The following RBFOX1 variants were observed in gnomAD, a reference collection of about 807,000 sequenced individuals.
RBFOX1 encodes RNA binding protein fox-1 homolog 1.
In RBFOX1, 8 loss-of-function variants were observed where a neutral mutation model predicts 57.7. That is an observed-to-expected ratio of 0.14 (90% CI 0.08 to 0.25). The LOEUF is 0.25. RBFOX1 is among the 10% of genes least tolerant of loss of function. RBFOX1 has a pLI of 1.00. For missense variants in RBFOX1, 611 were observed against 548.5 expected, an observed-to-expected ratio of 1.11 and a Z score of -1.14; for synonymous variants, 326 against 222.4, an observed-to-expected ratio of 1.47 and a Z score of -4.15.
At chr16:6,905,688 C>T (rs574366603) in intron 3 of RBFOX1, among the ~76,000 whole-genome samples, 1 of 152,192 alleles carries the variant, frequency 6.6e-6, no homozygotes, top group East Asian at 1.9e-4. Context: ...GAAAAAAAGA[C>T]AGTGGGTTAA....
At chr16:6,667,549 G>A (rs1020161032) in intron 3 of RBFOX1, among the ~76,000 whole-genome samples, 2 of 152,048 alleles carry the variant, frequency 1.3e-5, no homozygotes, top group Non-Finnish European at 2.9e-5. Flanking sequence ...TACACTGAGG[G>A]TACTTATCAT....
intron 3 of RBFOX1, among the ~76,000 whole-genome samples, chr16:5,791,475 G>T (rs2151731844): frequency 6.6e-6 from 1 of 152,278 alleles, no homozygotes; most frequent in East Asian, 1.9e-4. Context: ...TTGGCCAGGA[G>T]GGCTGGGTAA....
chr16:6,822,903 A>G (rs947925666), intron 3 of RBFOX1, among the ~76,000 whole-genome samples: 3 of 152,216 alleles, frequency 2.0e-5, no homozygotes. Flanking sequence ...ATTAATATTA[A>G]CAAGTGCGTG....
At chr16:5,892,718 C>T (rs1377873611) in intron 4 of RBFOX1, among the ~76,000 whole-genome samples, 2 of 152,192 alleles carry the variant, frequency 1.3e-5, no homozygotes, top group Non-Finnish European at 2.9e-5. Flanking sequence ...ATGCAGCACT[C>T]TCAAAGCCTG....
intron 1 of RBFOX1, among the ~76,000 whole-genome samples, chr16:6,186,359 A>G (rs117364015): frequency 2.6e-5 from 4 of 152,316 alleles, no homozygotes; most frequent in Non-Finnish European, 5.9e-5. Context: ...ATGAATTAGT[A>G]AAGATAAATA....
At chr16:6,959,726 C>G (rs1000215061) in intron 3 of RBFOX1, among the ~76,000 whole-genome samples, 2 of 152,090 alleles carry the variant, frequency 1.3e-5, no homozygotes, top group African/African-American at 4.8e-5. Context: ...CACCTGAGGT[C>G]AGGAGTTCGA....
At chr16:6,693,927 C>A (rs548979709) in intron 3 of RBFOX1, among the ~76,000 whole-genome samples, 36 of 152,240 alleles carry the variant, frequency 2.4e-4, no homozygotes, top group African/African-American at 6.7e-4. Flanking sequence ...GACTGTTTAC[C>A]CATATGAAGT....
intron 3 of RBFOX1, among the ~76,000 whole-genome samples, chr16:6,758,255 C>G (rs1208559195): frequency 6.6e-6 from 1 of 152,018 alleles, no homozygotes; most frequent in African/African-American, 2.4e-5. Context: ...CAGTCCTCTG[C>G]TTGCTTTGTT....
intron 3 of RBFOX1, among the ~76,000 whole-genome samples, chr16:7,039,723 G>C (rs4570861): frequency 6.6e-6 from 1 of 152,064 alleles, no homozygotes; most frequent in Admixed American, 6.6e-5. Flanking sequence ...GCAAGAAGCA[G>C]TGGGTATGAT....
At chr16:7,613,079 T>A (rs2057827354) in intron 10 of RBFOX1, among the ~76,000 whole-genome samples, 1 of 152,078 alleles carries the variant, frequency 6.6e-6, no homozygotes, top group Admixed American at 6.5e-5. Context: ...TATAGTTAGG[T>A]CCCAGAGATG....
chr16:6,773,822 G>T (rs1016758380), intron 3 of RBFOX1: 27 of 305,112 alleles, frequency 8.8e-5, no homozygotes, highest in South Asian at 1.3e-4. Flanking sequence ...CATTTGTGTT[G>T]TGGGGGCATG....
chr16:6,438,731 G>T (rs986976076), intron 2 of RBFOX1, among the ~76,000 whole-genome samples: 2 of 152,188 alleles, frequency 1.3e-5, no homozygotes, highest in African/African-American at 4.8e-5. Flanking sequence ...TCCTGAGCCT[G>T]TATAAGAGCC....
intron 3 of RBFOX1, among the ~76,000 whole-genome samples, chr16:6,998,631 C>T (rs1406773037): frequency 1.3e-5 from 2 of 152,032 alleles, no homozygotes; most frequent in African/African-American, 4.8e-5. Flanking sequence ...TTGGTGTCTC[C>T]AAATTGCAAT....
At chr16:5,761,933 A>G (rs2053610134) in intron 3 of RBFOX1, among the ~76,000 whole-genome samples, 2 of 152,108 alleles carry the variant, frequency 1.3e-5, no homozygotes, top group African/African-American at 2.4e-5. Flanking sequence ...AACCCCTCCC[A>G]GGAGGCAGGG....
intron 2 of RBFOX1, among the ~76,000 whole-genome samples, chr16:6,562,880 C>CTTTCTTTCTTTTTTTTTTTTTTTTTTTT (rs746999419): frequency 1.9e-5 from 1 of 51,778 alleles, no homozygotes; most frequent in Non-Finnish European, 3.9e-5. Flanking sequence ...TTCTTTCTTT[C>CTTTCTTTCTTTTTTTTTTTTTTTTTTTT]TTTTTTTTTT....
At chr16:5,676,718 C>T (rs1249230692) in intron 3 of RBFOX1, among the ~76,000 whole-genome samples, 1 of 152,128 alleles carries the variant, frequency 6.6e-6, no homozygotes, top group Non-Finnish European at 1.5e-5. Context: ...AAAAACTAGC[C>T]AGTTGTGGCA....
chr16:6,853,533 G>A (rs1229616855), intron 3 of RBFOX1, among the ~76,000 whole-genome samples: 1 of 152,130 alleles, frequency 6.6e-6, no homozygotes, highest in Non-Finnish European at 1.5e-5. Context: ...GACAGTGGTA[G>A]ATGCTTTCAG....
chr16:7,635,207 G>A (rs2061567083), intron 11 of RBFOX1, among the ~76,000 whole-genome samples: 1 of 152,206 alleles, frequency 6.6e-6, no homozygotes, highest in Non-Finnish European at 1.5e-5. Flanking sequence ...ATTTTCATTA[G>A]TTGAAGTATC....
At chr16:6,603,155 C>T (rs970111342) in intron 2 of RBFOX1, among the ~76,000 whole-genome samples, 1 of 152,154 alleles carries the variant, frequency 6.6e-6, no homozygotes, top group Non-Finnish European at 1.5e-5. Flanking sequence ...TAAAGAGAGA[C>T]CACAGAAAGA....
Sources: gnomAD v4.1 joint callset for allele counts (sites outside exome capture counted in the v4.1 genomes callset) on GRCh38, gnomAD v4.1.1 for gene constraint, MANE v1.5 for transcripts, NCBI Gene and HGNC (gene_info 2026-07-23, HGNC 2026-07-21) for gene names.